Variants in ABI1 observed in about 807,000 individuals in gnomAD.
ABI1 encodes the protein Abelson interactor 1.
In ABI1, 14 loss-of-function variants were observed where a neutral mutation model predicts 54.6. The ratio of observed to expected loss-of-function variants is 0.26; its 90% CI spans 0.17 to 0.40. The LOEUF (loss-of-function observed/expected upper bound fraction) is 0.40, where lower values mean the gene tolerates loss of function less well. ABI1 is among the 10% of genes least tolerant of loss of function. The probability of loss-of-function intolerance (pLI) is 1.00; values close to 1 mark genes in which losing one functional copy is unlikely to be tolerated. For synonymous variants in ABI1, 194 were observed against 209.3 expected (o/e 0.93, Z 0.63); for missense variants, 443 against 598.3 (o/e 0.74, Z 2.71).
chr10:26,847,763 CAT>C (rs1271281925), intron 1 of ABI1, among the ~76,000 whole-genome samples: 2 of 151,890 alleles, frequency 1.3e-5, no homozygotes, highest in East Asian at 3.9e-4. Flanking sequence ...TCATGGAAAA[CAT>C]AAAATGTATA....
At chr10:26,807,002 T>C (rs560015668) in intron 2 of ABI1, among the ~76,000 whole-genome samples, 76 of 152,342 alleles carry the variant, frequency 5.0e-4, no homozygotes, top group African/African-American at 1.7e-3. Flanking sequence ...TTCTTGAATA[T>C]TGGCCATGTT....
chr10:26,823,268 G>A lies in ABI1; in HGVS notation c.155C>T (p.Ala52Val). 1.3e-6 allele frequency: 2 copies of A among 1,586,312 alleles called. No homozygotes were observed. Among genetic ancestry groups the A allele is most frequent in the Non-Finnish European group, 1.7e-6 (2 of 1,171,642 alleles). Reference protein sequence around the residue: ...DKRKALEETKAYTTQSLASVA... With the variant: ...DKRKALEETKVYTTQSLASVA... ...ACTAGCTAGAGATTGGGTTGTATAG[G>A]CTTTGGTCTCCTCTAAAGCTTTTCT... Residue 52 changes from alanine (A) to valine (V), a missense_variant, in exon 2 of 11, where the codon GCC becomes GTC. By Grantham distance (64) the Ala-to-Val change is moderately conservative. This residue lies in a region of ABI1 where 394 missense variants were observed against 484.8 expected (regional missense o/e 0.81). Transcript: ENST00000376140.
At chr10:26,783,697 G>A (rs1005443828) in intron 2 of ABI1, among the ~76,000 whole-genome samples, 1 of 152,194 alleles carries the variant, frequency 6.6e-6, no homozygotes, top group Admixed American at 6.5e-5. Context: ...TGGCAACCCA[G>A]CCAAAAGGAG....
At chr10:26,816,531 G>A (rs941736757) in intron 2 of ABI1, among the ~76,000 whole-genome samples, 1 of 152,172 alleles carries the variant, frequency 6.6e-6, no homozygotes, top group African/African-American at 2.4e-5. Flanking sequence ...TCCACCCAGA[G>A]AAAGGAGAAT....
chr10:26,820,100 G>A (rs1267477995), intron 2 of ABI1, among the ~76,000 whole-genome samples: 2 of 152,170 alleles, frequency 1.3e-5, no homozygotes, highest in Non-Finnish European at 2.9e-5. Context: ...ATAAGTTCTG[G>A]AGATCTAATG....
At chr10:26,821,088 CA>C (rs141116015) in intron 2 of ABI1, among the ~76,000 whole-genome samples, 22,145 of 150,292 alleles carry the variant, frequency 0.15, 2,134 homozygotes, top group African/African-American at 0.28. Context: ...ACTAAAAATA[CA>C]AAAAAGTTCA....
At chr10:26,801,136 A>G (rs139671696) in intron 2 of ABI1, among the ~76,000 whole-genome samples, 140 of 152,380 alleles carry the variant, frequency 9.2e-4, no homozygotes, top group African/African-American at 3.1e-3. Flanking sequence ...CTACTGGAAC[A>G]ACTGGCATAC....
intron 2 of ABI1, among the ~76,000 whole-genome samples, chr10:26,791,996 C>G (rs965493393): frequency 1.3e-5 from 2 of 151,978 alleles, no homozygotes; most frequent in African/African-American, 4.8e-5. Context: ...ATAAAAAAAG[C>G]AAGCCATGCT....
intron 3 of ABI1, 72 bp from the exon 4 acceptor site, chr10:26,771,161 G>A (rs1168306289): frequency 6.7e-7 from 1 of 1,503,452 alleles, no homozygotes; most frequent in African/African-American, 1.4e-5. Context: ...GATAGGACAG[G>A]TTTACATTTA....
chr10:26,837,617 T>C (rs1232036538), intron 1 of ABI1, among the ~76,000 whole-genome samples: 1 of 152,186 alleles, frequency 6.6e-6, no homozygotes, highest in Non-Finnish European at 1.5e-5. Context: ...CTTTTTCTGG[T>C]GTTTTTGTTT....
intron 2 of ABI1, among the ~76,000 whole-genome samples, chr10:26,807,373 G>C (rs750421830): frequency 1.3e-4 from 20 of 152,110 alleles, no homozygotes; most frequent in Non-Finnish European, 2.4e-4. Context: ...TACTTGGGAG[G>C]CTGAGGTGGG....
chr10:26,843,262 G>T (rs2049672052), intron 1 of ABI1, among the ~76,000 whole-genome samples: 1 of 150,836 alleles, frequency 6.6e-6, no homozygotes. Context: ...AGACCAGCCT[G>T]GCCAACACAG....
intron 2 of ABI1, among the ~76,000 whole-genome samples, chr10:26,813,116 G>A (rs983869183): frequency 6.6e-6 from 1 of 151,994 alleles, no homozygotes; most frequent in African/African-American, 2.4e-5. Context: ...AGGTGTGGTG[G>A]TGCACACCTG....
At chr10:26,809,549 C>A (rs570400748) in intron 2 of ABI1, among the ~76,000 whole-genome samples, 110 of 151,848 alleles carry the variant, frequency 7.2e-4, no homozygotes, top group African/African-American at 2.5e-3. Context: ...CAGAGCGAGA[C>A]CCTATGTCCA....
rs769712908 is a variant in ABI1, at chr10:26,755,780, T to A, written c.998-39A>T. The A allele has an allele frequency of 2.9e-6, 4 of 1,397,860 alleles. No homozygotes were observed. The Admixed American group carries it at 5.8e-5, about 20-fold the overall frequency. The allele number at this position is 1,397,860 out of a possible 1,614,324, so 86.6% of individuals were successfully genotyped here. A position where few individuals can be genotyped will look rare whatever the true frequency, so the allele number is the denominator to read the frequency against. On this transcript the variant is annotated intron_variant, in intron 8 of 10. Transcript: ENST00000376140. ...CACAGTATGGGGGAAGTAAAACAGA[T>A]AAAGGAAAGAAAAGGAAACAAACAA...
At chr10:26,765,638 A>G (rs1588794963) in intron 6 of ABI1, among the ~76,000 whole-genome samples, 1 of 90,882 alleles carries the variant, frequency 1.1e-5, no homozygotes, top group South Asian at 4.1e-4. Flanking sequence ...GAAGGGAAGG[A>G]GGGAGGGAGG....
At chr10:26,780,837 C>T (rs1204750028) in intron 2 of ABI1, among the ~76,000 whole-genome samples, 1 of 152,214 alleles carries the variant, frequency 6.6e-6, no homozygotes, top group Admixed American at 6.5e-5. Context: ...CAGCTTCCAA[C>T]TGCTGAGGTC....
intron 1 of ABI1, among the ~76,000 whole-genome samples, chr10:26,832,026 A>G (rs181040231): frequency 6.6e-6 from 1 of 152,318 alleles, no homozygotes; most frequent in East Asian, 1.9e-4. Context: ...CCTATCCTCA[A>G]ATGGTCCTTA....
intron 2 of ABI1, among the ~76,000 whole-genome samples, chr10:26,782,810 A>G (rs1439575655): frequency 6.6e-6 from 1 of 152,078 alleles, no homozygotes; most frequent in Non-Finnish European, 1.5e-5. Flanking sequence ...GCAAATCAAA[A>G]CCACAATGTG....
Sources: allele counts gnomAD v4.1 joint callset (sites outside exome capture counted in the v4.1 genomes callset), GRCh38; gene constraint gnomAD v4.1.1; regional missense constraint gnomAD v4.1.1; transcripts MANE v1.5; gene names NCBI Gene and HGNC (gene_info 2026-07-23, HGNC 2026-07-21).